LAMA3: variants seen among roughly 807,000 people sequenced by gnomAD.
LAMA3 encodes laminin subunit alpha-3.
LAMA3 carries 281 observed loss-of-function variants against 402.0 expected under a neutral mutation model. That is an observed-to-expected ratio of 0.70 (90% confidence interval 0.63 to 0.77). LAMA3 has a LOEUF of 0.77. Among genes scored for constraint, LAMA3 ranks in the 30% least tolerant of loss-of-function variants. The pLI is 0.00. For missense variants in LAMA3, 3,840 were observed against 4,215.5 expected (o/e 0.91, Z 2.47); for synonymous variants, 1,431 against 1,558.4 (o/e 0.92, Z 1.93).
intron 10 of LAMA3, 39 bp downstream of exon 10, chr18:23,775,962 G>T (rs1367703235): frequency 6.2e-7 from 1 of 1,613,248 alleles, no homozygotes; most frequent in South Asian, 1.1e-5. Flanking sequence ...ACCCTTTTTG[G>T]TCCATAGCTG....
chr18:23,876,042 G>A, intron 38 of LAMA3, among the ~76,000 whole-genome samples: 1 of 152,226 alleles, frequency 6.6e-6, no homozygotes, highest in East Asian at 1.9e-4. Context: ...CGGGCTCAGT[G>A]GTGCACATGC....
intron 69 of LAMA3, 127 bp from the exon 70 acceptor site, chr18:23,946,017 C>A: frequency 3.3e-6 from 3 of 902,882 alleles, no homozygotes; most frequent in African/African-American, 1.6e-5. Context: ...AAAAATCTCT[C>A]ATCTTTTGAA....
chr18:23,824,485 C>G lies in LAMA3; in HGVS notation c.2491C>G (p.Pro831Ala). Residue 831 changes from proline (P) to alanine (A), a missense_variant, in exon 21 of 75, where the codon CCT becomes GCT. Physicochemically the swap from Pro to Ala is conservative, Grantham distance 27. This residue lies in a region of LAMA3 where 2,109 missense variants were observed against 2,376.0 expected (regional missense o/e 0.89). Coordinates refer to ENST00000313654, the MANE Select transcript of LAMA3 (RefSeq NM_198129.4). ...PSKEPAFVTV[P>A]GNGFADPFSI... Reference sequence around the variant, plus strand: ...TAAGGAGCCAGCCTTTGTCACTGTCCCTGGAAATGGTTTTGCAGACCCATT... The same window carrying G: ...TAAGGAGCCAGCCTTTGTCACTGTCGCTGGAAATGGTTTTGCAGACCCATT... 6.2e-7 allele frequency: 1 copy of G among 1,614,028 alleles called. No homozygotes were observed. Among genetic ancestry groups the G allele is most frequent in the South Asian group, 1.1e-5 (1 of 91,084 alleles).
intron 6 of LAMA3, among the ~76,000 whole-genome samples, chr18:23,756,483 C>A (rs1180843906): frequency 1.1e-4 from 10 of 89,978 alleles, no homozygotes; most frequent in African/African-American, 3.2e-4. Flanking sequence ...CCCAAAAAAA[C>A]CCCACAACCC....
chr18:23,689,574 C>A lies in LAMA3; in HGVS notation c.-110C>A. 9.2e-7 allele frequency: 1 copy of A among 1,083,680 alleles called. No homozygotes were observed. The highest frequency in any genetic ancestry group is 1.2e-6 in the Non-Finnish European group (1 of 857,426). The allele number at this position is 1,083,680 out of a possible 1,614,324, so 67.1% of individuals were successfully genotyped here. ...GAGCGGCCCCGGCGCCGCCCATATC[C>A]CCGGCTGCGCTAGTCCTGGCGCTGC... is the stretch of plus-strand genomic sequence containing the variant. On this transcript the variant is annotated 5_prime_UTR_variant, in exon 1 of 75. Transcript: ENST00000313654.
At chr18:23,694,580 G>A (rs1221445086) in intron 1 of LAMA3, among the ~76,000 whole-genome samples, 1 of 152,212 alleles carries the variant, frequency 6.6e-6, no homozygotes, top group Non-Finnish European at 1.5e-5. Context: ...GCGCACAGAA[G>A]TTAAGTGATG....
intron 23 of LAMA3, among the ~76,000 whole-genome samples, chr18:23,830,076 G>C (rs1420450960): frequency 6.6e-6 from 1 of 151,596 alleles, no homozygotes; most frequent in East Asian, 1.9e-4. Context: ...CAGACCTAGA[G>C]GACAACAGGC....
intron 8 of LAMA3, among the ~76,000 whole-genome samples, chr18:23,769,630 T>C (rs962935093): frequency 6.6e-6 from 1 of 151,976 alleles, no homozygotes; most frequent in Non-Finnish European, 1.5e-5. Context: ...AATAGATAAA[T>C]GAAGGAACAG....
rs1469656446 is a variant in LAMA3, at chr18:23,775,681, A to T, written c.1274-111A>T. The T allele has an allele frequency of 2.4e-6, 3 of 1,230,850 alleles. No homozygotes were observed. The African/African-American group carries it at 4.4e-5, about 18-fold the overall frequency. The allele number at this position is 1,230,850 out of a possible 1,614,324, so 76.2% of individuals were successfully genotyped here. A position where few individuals can be genotyped will look rare whatever the true frequency, so the allele number is the denominator to read the frequency against. ...AAATAGGCTGTGCCCTTTCAAGAAT[A>T]CCTATAGACCAAGGATCAAGTATGG... On this transcript the variant is annotated intron_variant, in intron 9 of 74. Coordinates refer to ENST00000313654, the MANE Select transcript of LAMA3 (RefSeq NM_198129.4).
chr18:23,759,151 C>T (rs1158869037), intron 7 of LAMA3, among the ~76,000 whole-genome samples: 2 of 151,456 alleles, frequency 1.3e-5, no homozygotes, highest in East Asian at 3.9e-4. Flanking sequence ...CCAGCCTAGG[C>T]AACATAGTGA....
intron 62 of LAMA3, among the ~76,000 whole-genome samples, chr18:23,925,568 A>G (rs924697163): frequency 1.3e-5 from 2 of 152,216 alleles, no homozygotes; most frequent in African/African-American, 4.8e-5. Flanking sequence ...TGCTCTCTGA[A>G]GTCGGCCTGC....
chr18:23,847,066 C>A (rs911918581), intron 31 of LAMA3, among the ~76,000 whole-genome samples: 1 of 152,170 alleles, frequency 6.6e-6, no homozygotes, highest in African/African-American at 2.4e-5. Flanking sequence ...GAACAAGAAC[C>A]CTGCTGCCAG....
chr18:23,760,184 C>T (rs1320557061), intron 7 of LAMA3, among the ~76,000 whole-genome samples: 1 of 152,068 alleles, frequency 6.6e-6, no homozygotes, highest in Non-Finnish European at 1.5e-5. Flanking sequence ...AAGTTTTTAT[C>T]CTTTTAAAAT....
At chr18:23,901,073 C>A in intron 47 of LAMA3, 54 bp from the exon 48 acceptor site, 3 of 1,475,248 alleles carry the variant, frequency 2.0e-6, no homozygotes, top group Non-Finnish European at 2.8e-6. Context: ...TTTTTATAAC[C>A]CAGCTTCAGT....
chr18:23,933,711 T>C, intron 66 of LAMA3, 71 bp from the exon 67 acceptor site: 1 of 1,540,688 alleles, frequency 6.5e-7, no homozygotes, highest in South Asian at 1.1e-5. Context: ...TGAAATGAGC[T>C]CTCTCTACCA....
At chr18:23,911,495 G>A (rs948759292) in intron 55 of LAMA3, among the ~76,000 whole-genome samples, 3 of 152,112 alleles carry the variant, frequency 2.0e-5, no homozygotes, top group African/African-American at 7.2e-5. Flanking sequence ...ATGCAAGCAT[G>A]TGATCGGTGG....
intron 70 of LAMA3, 141 bp downstream of exon 70, chr18:23,946,425 C>A: frequency 2.0e-6 from 2 of 979,666 alleles, no homozygotes; most frequent in Non-Finnish European, 1.6e-6. Flanking sequence ...TTAATGTTCA[C>A]AACCACATAG....
intron 18 of LAMA3, 105 bp from the exon 19 acceptor site, chr18:23,819,736 T>A: frequency 1.0e-6 from 1 of 970,464 alleles, no homozygotes; most frequent in Non-Finnish European, 1.7e-6. Context: ...TAATGTACTC[T>A]GTCAATGTGG....
At chr18:23,885,086 A>T (rs910762131) in intron 41 of LAMA3, among the ~76,000 whole-genome samples, 1 of 151,820 alleles carries the variant, frequency 6.6e-6, no homozygotes, top group African/African-American at 2.4e-5. Context: ...GCATACACTC[A>T]CCCACAAGTA....
Sources: gnomAD v4.1 joint callset for allele counts (sites outside exome capture counted in the v4.1 genomes callset) on GRCh38, gnomAD v4.1.1 for gene constraint, gnomAD v4.1.1 regional missense constraint, MANE v1.5 for transcripts, NCBI Gene and HGNC (gene_info 2026-07-23, HGNC 2026-07-21) for gene names.